The following ARL10 variants were observed in gnomAD, a reference collection of about 807,000 sequenced individuals.
ARL10 encodes ADP-ribosylation factor-like protein 10.
Under a neutral mutation model 26.1 loss-of-function variants are expected in ARL10, and 23 were observed. That is an observed-to-expected ratio of 0.88 (90% CI 0.63 to 1.25). The LOEUF (loss-of-function observed/expected upper bound fraction) is 1.25. ARL10 is among the 50% of genes most tolerant of loss of function. The pLI, the probability that ARL10 is intolerant of heterozygous loss-of-function variation, is 0.00. For missense variants in ARL10, 300 were observed against 323.6 expected (o/e 0.93, Z 0.56); for synonymous variants, 138 against 149.1 (o/e 0.93, Z 0.54).
Position 176,371,833 on chromosome 5 carries a change from C to T in ARL10, c.673C>T (p.Pro225Ser). ...LLAASIAPAG[P>S]TFEEPGTVHI... ...GGCAGCCAGCATTGCCCCTGCAGGA[C>T]CCACCTTTGAAGAGCCTGGCACCGT... The change falls in exon 4 of 4, where the codon CCC (proline) becomes TCC (serine). Residue 225 changes from proline to serine, a missense_variant. By Grantham distance (74) the Pro-to-Ser change is moderately conservative. Transcript: ENST00000310389. 1 of 1,614,180 alleles carries T rather than the reference C, an allele frequency of 6.2e-7. No individual in the cohort carries two copies. Among genetic ancestry groups the T allele is most frequent in the Admixed American group, 1.7e-5 (1 of 60,024 alleles).
At chr5:176,389,777 A>C, downstream of ARL10, 1 of 297,936 alleles carries the variant, frequency 3.4e-6, no homozygotes, top group African/African-American at 2.2e-5. Flanking sequence ...TATCATCCCC[A>C]TGGTTTTTGG....
chr5:176,407,651 A>G, the ARL10 span: 1 of 152,260 alleles, frequency 6.6e-6, no homozygotes, highest in Non-Finnish European at 1.5e-5. Context: ...CTCCAGGTGC[A>G]CTTTAGGACA....
At chr5:176,412,038 T>C in the ARL10 span, among the ~76,000 whole-genome samples, 6 of 151,882 alleles carry the variant, frequency 4.0e-5, no homozygotes, top group South Asian at 6.2e-4. Context: ...TAGCCAGGCG[T>C]GGTGGCAGGC....
At chr5:176,369,008 G>A (rs761180504) in intron 3 of ARL10, 26 bp downstream of exon 3, 9 of 1,611,854 alleles carry the variant, frequency 5.6e-6, no homozygotes, top group Admixed American at 1.7e-5. Context: ...GGGCAGCTCG[G>A]TCCAGGTGAC....
rs1768566572 is a variant in ARL10, at chr5:176,372,147, C to T, written c.*252C>T. 2 of 1,282,834 alleles carry T rather than the reference C, an allele frequency of 1.6e-6. No homozygotes were observed. Among genetic ancestry groups the T allele is most frequent in the South Asian group, 1.7e-5 (1 of 58,410 alleles). The allele number at this position is 1,282,834 out of a possible 1,614,324, so 79.5% of individuals were successfully genotyped here. On this transcript the variant is annotated 3_prime_UTR_variant, in exon 4 of 4. Coordinates refer to ENST00000310389, the MANE Select transcript of ARL10 (RefSeq NM_173664.6). ...AGGATAGTGTCTGGCTCATTCCAGGCTGGAATGTGGATCCAGCTTTCCCTT... is the reference window on the plus strand; with the variant it reads ...AGGATAGTGTCTGGCTCATTCCAGGTTGGAATGTGGATCCAGCTTTCCCTT...
chr5:176,386,953 G>A, intron 1 of ARL10: 1 of 1,558,358 alleles, frequency 6.4e-7, no homozygotes, highest in East Asian at 2.2e-5. Context: ...TCTTTGATGA[G>A]GGAAAGTTAT....
At chr5:176,403,636 TAG>T (rs1244179556), downstream of ARL10, among the ~76,000 whole-genome samples, 1 of 151,624 alleles carries the variant, frequency 6.6e-6, no homozygotes, top group Non-Finnish European at 1.5e-5. Context: ...GTATTTTTAG[TAG>T]AGACAGGGCT....
chr5:176,410,106 A>T, the ARL10 span: 9 of 662,076 alleles, frequency 1.4e-5, no homozygotes, highest in Non-Finnish European at 2.3e-5. Context: ...GACAAAAAAA[A>T]TTCCAAAAAC....
the ARL10 span, among the ~76,000 whole-genome samples, chr5:176,409,810 T>C: frequency 4.6e-5 from 7 of 152,234 alleles, no homozygotes; most frequent in African/African-American, 1.7e-4. Context: ...TCTGCCATTA[T>C]AAATAACCCT....
At chr5:176,383,932 AATC>A, downstream of ARL10, 1 of 1,470,232 alleles carries the variant, frequency 6.8e-7, no homozygotes, top group Non-Finnish European at 9.0e-7. Flanking sequence ...AAAAATACAA[AATC>A]ATCAGAGAAG....
Position 176,398,695 on chromosome 5 carries a change from A to G in ARL10, c.134-3046A>G, listed in dbSNP as rs1300781148. ...CCATTGCACTCCAGCCTGGGCAACA[A>G]GAGCAAAACCCCGTCTCAAAAAATA... is the stretch of plus-strand genomic sequence containing the variant. On this transcript the variant is annotated intron_variant, in intron 1 of 1. Transcript: ENST00000514533. Among the ~76,000 whole-genome samples the G allele has an allele frequency of 2.0e-5, 3 of 152,148 alleles. No homozygotes were observed. In the East Asian group the frequency reaches 5.8e-4, roughly 30 times the overall value.
rs1768420161 is a variant in ARL10 at position 176,368,738 on chromosome 5, TG to T, written c.386-65del. 2 of 993,710 alleles carry T rather than the reference TG, an allele frequency of 2.0e-6. No individual in the cohort carries two copies. Among genetic ancestry groups the T allele is most frequent in the Non-Finnish European group, 2.4e-6 (2 of 829,150 alleles). The allele number at this position is 993,710 out of a possible 1,614,324, so 61.6% of individuals were successfully genotyped here. A position where few individuals can be genotyped will look rare whatever the true frequency, so the allele number is the denominator to read the frequency against. The stretch of plus-strand genomic sequence containing the variant: ...GTGGGCAGTGAGCGGGGGCCCGGGG[TG>T]GGGTGGGGGCTGTGGGCAGTGAGCG... On this transcript the variant is annotated intron_variant, in intron 2 of 3. Coordinates refer to ENST00000310389, the MANE Select transcript of ARL10 (RefSeq NM_173664.6). This position sits in a 1 kb window ranked among gnomAD's most constrained non-coding sequence, Gnocchi z 4.1.
At chr5:176,396,437 C>T in intron 1 of ARL10, 1 of 1,547,106 alleles carries the variant, frequency 6.5e-7, no homozygotes, top group Non-Finnish European at 8.9e-7. Context: ...GTGGCCATTC[C>T]CTCTCTAGCT....
At chr5:176,388,850 G>C (rs1050381457), downstream of ARL10, 2 of 1,613,998 alleles carry the variant, frequency 1.2e-6, no homozygotes, top group African/African-American at 2.7e-5. Context: ...GATTCCGGAG[G>C]TCCCCTTTGA....
At position 176,376,687 on chromosome 5, in the gene ARL10, C is replaced by T. The variant is rs546180270; in HGVS notation, c.*4792C>T. On this transcript the variant is annotated 3_prime_UTR_variant, in exon 4 of 4. Transcript: ENST00000310389. ...TAGGGAAAGCTGTTCATGTCTAGGACGTGATCTGCTTCTGGGGAAAAACTT... is the reference window on the plus strand; with the variant it reads ...TAGGGAAAGCTGTTCATGTCTAGGATGTGATCTGCTTCTGGGGAAAAACTT... 1 of 152,302 alleles carries T rather than the reference C, an allele frequency of 6.6e-6. No homozygotes were observed. Among genetic ancestry groups the T allele is most frequent in the Admixed American group, 6.5e-5 (1 of 15,304 alleles). 9.4% of individuals were successfully genotyped at this position (152,302 alleles called of 1,614,324 possible). A position where few individuals can be genotyped will look rare whatever the true frequency, so the allele number is the denominator to read the frequency against.
chr5:176,387,507 G>A lies in ARL10; in HGVS notation c.37-788G>A, dbSNP rs140185688. ...TTTCTTTTTATTCTTTCATGCCAGAGGAAAATGGCACTACCATTTCTTGAA... is the reference window on the plus strand; with the variant it reads ...TTTCTTTTTATTCTTTCATGCCAGAAGAAAATGGCACTACCATTTCTTGAA... On this transcript the variant is annotated intron_variant, in intron 1 of 1. Transcript: ENST00000503175. 4.6e-3 allele frequency among the ~76,000 whole-genome samples: 696 copies of A among 152,322 alleles called. 5 individuals are homozygous for A. The highest frequency in any genetic ancestry group is 0.016 in the African/African-American group (659 of 41,556).
chr5:176,394,591 G>A (rs369337755), intron 1 of ARL10, among the ~76,000 whole-genome samples: 4 of 148,962 alleles, frequency 2.7e-5, no homozygotes, highest in East Asian at 3.9e-4. Flanking sequence ...GCCAAGGTGG[G>A]CGGATCACGA....
downstream of ARL10, chr5:176,406,743 T>C (rs774868285): frequency 2.4e-6 from 3 of 1,270,012 alleles, no homozygotes; most frequent in Non-Finnish European, 3.1e-6. Context: ...GCACAAAAGC[T>C]CTGTCTGGGA....
downstream of ARL10, chr5:176,406,675 G>A: frequency 7.8e-7 from 1 of 1,288,994 alleles, no homozygotes; most frequent in Non-Finnish European, 1.0e-6. Context: ...ATTGGCAACT[G>A]GGTTTGTAGC....
Sources: gnomAD v4.1 joint callset for allele counts (sites outside exome capture counted in the v4.1 genomes callset) on GRCh38, gnomAD v4.1.1 for gene constraint, Gnocchi (gnomAD v3.1) non-coding constraint, MANE v1.5 for transcripts, NCBI Gene and HGNC (gene_info 2026-07-23, HGNC 2026-07-21) for gene names.